The following PRAMEF1 variants were observed in gnomAD, a reference collection of about 807,000 sequenced individuals.
The protein encoded by PRAMEF1 is PRAME family member 1.
In PRAMEF1, 21 loss-of-function variants were observed where a neutral mutation model predicts 38.2. The ratio of observed to expected loss-of-function variants is 0.55; its 90% CI spans 0.39 to 0.79. PRAMEF1 has a LOEUF of 0.79. PRAMEF1 is among the 30% of genes least tolerant of loss of function. The pLI is 0.00. For synonymous variants in PRAMEF1, 200 were observed against 229.0 expected (o/e 0.87, Z 1.14); for missense variants, 497 against 565.8 (o/e 0.88, Z 1.23).
At chr1:12,794,730 A>T (rs1172066217) in intron 3 of PRAMEF1, 3 of 1,426,368 alleles carry the variant, frequency 2.1e-6, no homozygotes, top group Non-Finnish European at 2.8e-6. Flanking sequence ...GACATCATGT[A>T]CAAGCTAGTT....
At position 12,795,429 on chromosome 1, in the gene PRAMEF1, T is replaced by C; in HGVS notation, c.867-9T>C. On this transcript the variant is annotated splice_polypyrimidine_tract_variant and intron_variant, in intron 3 of 3. Coordinates refer to ENST00000332296, the MANE Select transcript of PRAMEF1 (RefSeq NM_023013.4). ...TCACTGCCCAGAACTAACTTCTTGATCTCCACAGGTGCCTCCAGAACCCCT... is the reference window on the plus strand; with the variant it reads ...TCACTGCCCAGAACTAACTTCTTGACCTCCACAGGTGCCTCCAGAACCCCT... The C allele has an allele frequency of 6.2e-7, 1 of 1,610,424 alleles. No individual in the cohort carries two copies. The highest frequency in any genetic ancestry group is 8.5e-7 in the Non-Finnish European group (1 of 1,178,008).
chr1:12,794,212 C>G lies in PRAMEF1; in HGVS notation c.585C>G (p.Leu195=). The change falls in exon 3 of 4, where the codon CTC becomes CTG. Residue 195 remains leucine, a synonymous_variant. Transcript: ENST00000332296. ...LVNYLTPIKY[L]RKSLKIIYLN... is the part of the protein sequence containing the mutation. The stretch of plus-strand genomic sequence containing the variant: ...ATTATCTAACGCCGATTAAATATCT[C>G]AGAAAGTCATTGAAAATAATATACC... 1 of 1,611,460 alleles carries G rather than the reference C, an allele frequency of 6.2e-7. No homozygotes were observed. The highest frequency in any genetic ancestry group is 8.5e-7 in the Non-Finnish European group (1 of 1,178,422).
In PRAMEF1 at chr1:12,796,316, A is replaced by T. The variant is rs1052755155; in HGVS notation, c.*320A>T. On this transcript the variant is annotated 3_prime_UTR_variant, in exon 4 of 4. Transcript: ENST00000332296. The stretch of plus-strand genomic sequence containing the variant: ...TGTTCAGTGTGAGGGAAAAAACATA[A>T]CAGCAGGGGGCAAGGTTGGAGGAAA... 17 of 402,576 alleles carry T rather than the reference A, an allele frequency of 4.2e-5. No individual in the cohort carries two copies. The highest frequency in any genetic ancestry group is 3.1e-4 in the African/African-American group (15 of 48,824). 24.9% of individuals were successfully genotyped at this position (402,576 alleles called of 1,614,324 possible). A position where few individuals can be genotyped will look rare whatever the true frequency, so the allele number is the denominator to read the frequency against.
intron 3 of PRAMEF1, chr1:12,794,908 A>G: frequency 4.5e-6 from 6 of 1,326,440 alleles, no homozygotes; most frequent in Non-Finnish European, 6.0e-6. Context: ...CGGCTTAGTG[A>G]TCACGAATGA....
chr1:12,793,778 G>A, intron 2 of PRAMEF1, 137 bp from the exon 3 acceptor site: 1 of 1,415,314 alleles, frequency 7.1e-7, no homozygotes, highest in Non-Finnish European at 9.6e-7. Flanking sequence ...GAATCAAAAG[G>A]GAACAGGGAT....
intron 3 of PRAMEF1, chr1:12,794,870 C>A: frequency 1.5e-6 from 2 of 1,332,700 alleles, no homozygotes; most frequent in Non-Finnish European, 2.0e-6. Flanking sequence ...CAAACCTGTC[C>A]ATTTCACAAT....
intron 1 of PRAMEF1, among the ~76,000 whole-genome samples, chr1:12,792,341 A>T (rs1639309072): frequency 2.0e-5 from 3 of 151,282 alleles, no homozygotes; most frequent in Non-Finnish European, 4.4e-5. Context: ...ATTTCTATAC[A>T]TACCTTCCAA....
chr1:12,794,844 A>T, intron 3 of PRAMEF1: 2 of 1,334,380 alleles, frequency 1.5e-6, no homozygotes, highest in South Asian at 2.6e-5. Context: ...AGGGTATGAA[A>T]GGAGGGAAAG....
chr1:12,794,658 T>C, intron 3 of PRAMEF1, 165 bp downstream of exon 3: 2 of 1,493,916 alleles, frequency 1.3e-6, no homozygotes, highest in Non-Finnish European at 1.8e-6. Context: ...TGTCCTGGAG[T>C]GGCTATCACA....
At position 12,794,458 on chromosome 1, in the gene PRAMEF1, C is replaced by T; in HGVS notation, c.831C>T (p.Ile277=). The change falls in exon 3 of 4, where the codon ATC becomes ATT. Residue 277 remains isoleucine (I), a synonymous_variant. Coordinates refer to ENST00000332296, the MANE Select transcript of PRAMEF1 (RefSeq NM_023013.4). ...TTCAGTTGCTTAAAATAAAATTGAT[C>T]ACCTTCTTCAGTGGGCACCTGGAAC... ...EHLQLLKIKL[I]TFFSGHLEQL... 1.9e-6 allele frequency: 3 copies of T among 1,610,298 alleles called. No homozygotes were observed. The highest frequency in any genetic ancestry group is 2.5e-6 in the Non-Finnish European group (3 of 1,177,876).
rs147955747 is a variant in PRAMEF1, at chr1:12,795,654, C to G, written c.1083C>G (p.Ile361Met). Residue 361 changes from isoleucine (I) to methionine (M), a missense_variant, in exon 4 of 4, where the codon ATC (isoleucine) becomes ATG (methionine). By Grantham distance (10) the Ile-to-Met change is conservative. Around this residue, in one of 2 missense-constraint regions of PRAMEF1, gnomAD observed 470 missense variants for 501.9 expected, o/e 0.94. Transcript: ENST00000332296. ...CCCTCATCTTGGAGGGCTGTCAGAT[C>G]CACTACTCCCAACTCAGTGCCATCC... ...LKTLILEGCQ[I>M]HYSQLSAILP... is the part of the protein sequence containing the mutation. The G allele has an allele frequency of 7.7e-4, 1,246 of 1,611,358 alleles. 11 individuals carry two copies. The highest frequency in any genetic ancestry group is 2.2e-3 in the Admixed American group (133 of 59,894).
Position 12,795,810 on chromosome 1 carries a change from T to A in PRAMEF1, c.1239T>A (p.Pro413=). The A allele has an allele frequency of 6.2e-7, 1 of 1,610,638 alleles. No homozygotes were observed. ...GLSKLSLETY[P]APEESLNSLV... ...GCAAGTTAAGCCTGGAGACGTATCCTGCCCCTGAGGAGAGTTTGAATTCCT... is the reference window on the plus strand; with the variant it reads ...GCAAGTTAAGCCTGGAGACGTATCCAGCCCCTGAGGAGAGTTTGAATTCCT... Residue 413 remains proline (P), a synonymous_variant, in exon 4 of 4, where the codon CCT becomes CCA. Coordinates refer to ENST00000332296, the MANE Select transcript of PRAMEF1 (RefSeq NM_023013.4).
chr1:12,794,631 T>C lies in PRAMEF1; in HGVS notation c.866+138T>C, dbSNP rs1381281965. On this transcript the variant is annotated intron_variant, in intron 3 of 3. Coordinates refer to ENST00000332296, the MANE Select transcript of PRAMEF1 (RefSeq NM_023013.4). Reference sequence around the variant, plus strand: ...GGGACATCAGAATGTCAACACATTGTCCCATTCAGTGTTCCATGTCCTGGA... The same window carrying C: ...GGGACATCAGAATGTCAACACATTGCCCCATTCAGTGTTCCATGTCCTGGA... 2.8e-5 allele frequency: 43 copies of C among 1,525,076 alleles called. 1 individual carries two copies. The highest frequency in any genetic ancestry group is 3.1e-5 in the Non-Finnish European group (35 of 1,125,512). 94.5% of individuals were successfully genotyped at this position (1,525,076 alleles called of 1,614,324 possible). A position where few individuals can be genotyped will look rare whatever the true frequency, so the allele number is the denominator to read the frequency against.
In PRAMEF1 at chr1:12,794,188, T is replaced by C. The variant is rs2100299374; in HGVS notation, c.561T>C (p.Asn187=). 6.2e-7 allele frequency: 1 copy of C among 1,611,380 alleles called. No individual in the cohort carries two copies. Among genetic ancestry groups the C allele is most frequent in the East Asian group, 2.2e-5 (1 of 44,590 alleles). The change falls in exon 3 of 4, where the codon AAT becomes AAC. Residue 187 remains asparagine (N), a synonymous_variant. Transcript: ENST00000332296. Reference sequence around the variant, plus strand: ...ACCTGTGCTGTAGTAAGCTGGTCAATTATCTAACGCCGATTAAATATCTCA... The same window carrying C: ...ACCTGTGCTGTAGTAAGCTGGTCAACTATCTAACGCCGATTAAATATCTCA... ...LVHLCCSKLV[N]YLTPIKYLRK... is the part of the protein sequence containing the mutation.
In PRAMEF1 at chr1:12,794,183, G is replaced by A; in HGVS notation, c.556G>A (p.Val186Ile). 1 of 1,611,280 alleles carries A rather than the reference G, an allele frequency of 6.2e-7. No homozygotes were observed. Among genetic ancestry groups the A allele is most frequent in the Non-Finnish European group, 8.5e-7 (1 of 1,178,418 alleles). The change falls in exon 3 of 4, where the codon GTC (valine) becomes ATC (isoleucine). Residue 186 changes from valine to isoleucine, a missense_variant. By Grantham distance (29) the Val-to-Ile change is conservative (BLOSUM62 3). Transcript: ENST00000332296. ...GLVHLCCSKL[V>I]NYLTPIKYLR... Reference sequence around the variant, plus strand: ...AGTACACCTGTGCTGTAGTAAGCTGGTCAATTATCTAACGCCGATTAAATA... The same window carrying A: ...AGTACACCTGTGCTGTAGTAAGCTGATCAATTATCTAACGCCGATTAAATA...
At chr1:12,794,734 G>A (rs1639361969) in intron 3 of PRAMEF1, 1 of 1,421,692 alleles carries the variant, frequency 7.0e-7, no homozygotes, top group Admixed American at 2.4e-5. Flanking sequence ...TCATGTACAA[G>A]CTAGTTAGTG....
Position 12,793,242 on chromosome 1 carries a change from C to T in PRAMEF1, c.15C>T (p.Ala5=). 1.2e-6 allele frequency: 2 copies of T among 1,606,406 alleles called. 1 individual carries two copies. The highest frequency in any genetic ancestry group is 4.5e-5 in the East Asian group (2 of 44,362). Reference sequence around the variant, plus strand: ...GATCTATCAGGATGAGCATCCAGGCCCCACCCAGACTACTGGAGCTGGCAG... The same window carrying T: ...GATCTATCAGGATGAGCATCCAGGCTCCACCCAGACTACTGGAGCTGGCAG... MSIQ[A]PPRLLELAGQ... is the part of the protein sequence containing the mutation. The change falls in exon 2 of 4, where the codon GCC becomes GCT. Residue 5 remains alanine, a synonymous_variant. Coordinates refer to ENST00000332296, the MANE Select transcript of PRAMEF1 (RefSeq NM_023013.4).
At chr1:12,791,560 C>G (rs1294533266) in intron 1 of PRAMEF1, 86 bp downstream of exon 1, 7 of 146,418 alleles carry the variant, frequency 4.8e-5, no homozygotes, top group Admixed American at 2.1e-4. Flanking sequence ...AAGTGGCACA[C>G]AATATTTTTC....
At chr1:12,794,596 C>G in intron 3 of PRAMEF1, 103 bp downstream of exon 3, 3 of 1,536,110 alleles carry the variant, frequency 2.0e-6, no homozygotes, top group Non-Finnish European at 2.7e-6. Flanking sequence ...GTGGCAACGT[C>G]ACAGTGAAGG....
Sources: allele counts gnomAD v4.1 joint callset (sites outside exome capture counted in the v4.1 genomes callset), GRCh38; gene constraint gnomAD v4.1.1; regional missense constraint gnomAD v4.1.1; transcripts MANE v1.5; gene names NCBI Gene and HGNC (gene_info 2026-07-23, HGNC 2026-07-21).